The following SCGB2B2 variants were observed in gnomAD, a reference collection of about 807,000 sequenced individuals.
SCGB2B2 encodes the protein secretoglobin-like protein.
SCGB2B2 carries 11 observed loss-of-function variants against 7.6 expected under a neutral mutation model. That is an observed-to-expected ratio of 1.45 (90% CI 0.91 to 2.40). The LOEUF is 2.40. Among genes scored for constraint, SCGB2B2 ranks in the 30% most tolerant of loss-of-function variants. The pLI is 0.00. For missense variants in SCGB2B2, 104 were observed against 115.4 expected, an observed-to-expected ratio of 0.90 and a Z score of 0.45; for synonymous variants, 50 against 48.6, an observed-to-expected ratio of 1.03 and a Z score of -0.12.
At chr19:34,652,421 C>T (rs1208405838) in intron 1 of SCGB2B2, among the ~76,000 whole-genome samples, 1 of 151,184 alleles carries the variant, frequency 6.6e-6, no homozygotes, top group East Asian at 1.9e-4. Flanking sequence ...CCAGAATACA[C>T]AAGAAACTCA....
intron 1 of SCGB2B2, among the ~76,000 whole-genome samples, chr19:34,641,042 TCGGGGTGTGA>T (rs1482789489): frequency 6.0e-5 from 9 of 150,628 alleles, no homozygotes; most frequent in African/African-American, 2.2e-4. Context: ...TTGAATATAT[TCGGGGTGTGA>T]TGGTGAATAC....
intron 1 of SCGB2B2, among the ~76,000 whole-genome samples, chr19:34,651,576 A>T (rs1193652715): frequency 6.6e-6 from 1 of 151,312 alleles, no homozygotes; most frequent in Non-Finnish European, 1.5e-5. Flanking sequence ...TTAACAAAGA[A>T]GGTAGAAGAC....
At chr19:34,675,169 G>GTC (rs1047308276) in intron 1 of SCGB2B2, among the ~76,000 whole-genome samples, 13 of 152,236 alleles carry the variant, frequency 8.5e-5, no homozygotes, top group Non-Finnish European at 7.3e-5. Context: ...AGTGTTGGCA[G>GTC]TAAGAGTTGG....
rs1266834192 is a variant in SCGB2B2 at position 34,592,769 on chromosome 19, C to T, written c.*786G>A. Among the ~76,000 whole-genome samples, 1 of 152,170 alleles carries T rather than the reference C, an allele frequency of 6.6e-6. No homozygotes were observed. The highest frequency in any genetic ancestry group is 1.5e-5 in the Non-Finnish European group (1 of 68,028). ...GTCCCCTGTCATGGTGACATGGCCA[C>T]ACAGACCCATGGCCTCATGCAGATT... On this transcript the variant is annotated 3_prime_UTR_variant, in exon 4 of 4. Coordinates refer to ENST00000601241, the MANE Select transcript of SCGB2B2 (RefSeq NM_001025591.4).
At chr19:34,659,354 T>C (rs2067383887) in intron 1 of SCGB2B2, among the ~76,000 whole-genome samples, 1 of 152,210 alleles carries the variant, frequency 6.6e-6, no homozygotes, top group Non-Finnish European at 1.5e-5. Flanking sequence ...AAATTGTCCC[T>C]GTTTGCAGAT....
intron 1 of SCGB2B2, among the ~76,000 whole-genome samples, chr19:34,607,196 T>A (rs1034253853): frequency 1.3e-5 from 2 of 152,254 alleles, no homozygotes; most frequent in African/African-American, 4.8e-5. Flanking sequence ...TACAGGTTCA[T>A]CCGTATTGTT....
intron 1 of SCGB2B2, among the ~76,000 whole-genome samples, chr19:34,666,902 A>C (rs1600072080): frequency 6.6e-6 from 1 of 151,942 alleles, no homozygotes; most frequent in South Asian, 2.1e-4. Flanking sequence ...CTATGCCCGC[A>C]GCTCGTGACC....
intron 1 of SCGB2B2, among the ~76,000 whole-genome samples, chr19:34,662,658 C>A (rs536986735): frequency 4.6e-5 from 7 of 152,066 alleles, no homozygotes; most frequent in Admixed American, 2.6e-4. Context: ...CACAAATAAC[C>A]AAACAAGGGC....
chr19:34,667,191 ACGGGCAGCTGC>A (rs1568444083), intron 1 of SCGB2B2, among the ~76,000 whole-genome samples: 1 of 152,110 alleles, frequency 6.6e-6, no homozygotes, highest in Non-Finnish European at 1.5e-5. Context: ...GTCCCTGCAG[ACGGGCAGCTGC>A]CCAGGGAAAA....
intron 1 of SCGB2B2, among the ~76,000 whole-genome samples, chr19:34,664,750 C>A (rs777482611): frequency 1.2e-4 from 18 of 152,186 alleles, no homozygotes; most frequent in Admixed American, 2.6e-4. Context: ...GGCCTGCATC[C>A]CTGCTGCCTC....
intron 1 of SCGB2B2, among the ~76,000 whole-genome samples, chr19:34,668,618 T>C (rs1223091637): frequency 6.6e-6 from 1 of 152,208 alleles, no homozygotes; most frequent in Non-Finnish European, 1.5e-5. Context: ...CTGAGTCTGG[T>C]GGGGACTTGG....
chr19:34,647,569 G>A (rs964493588), intron 1 of SCGB2B2, among the ~76,000 whole-genome samples: 3 of 130,496 alleles, frequency 2.3e-5, no homozygotes, highest in Non-Finnish European at 5.4e-5. Context: ...ACGTCTTCTC[G>A]CCTTTGTCCC....
rs1478815760 is a variant in SCGB2B2, at chr19:34,676,490, A to C, written c.-2892T>G. 6.6e-6 allele frequency: 1 copy of C among 152,208 alleles called. No homozygotes were observed. The highest frequency in any genetic ancestry group is 1.5e-5 in the Non-Finnish European group (1 of 68,040). The allele number at this position is 152,208 out of a possible 1,614,324, so 9.4% of individuals were successfully genotyped here. On this transcript the variant is annotated 5_prime_UTR_variant, in exon 1 of 4. Transcript: ENST00000601241. Reference sequence around the variant, plus strand: ...CATGAATAATCCACCCTTGTTTAGCACATCATCAAGCAATAAATACAAGTA... The same window carrying C: ...CATGAATAATCCACCCTTGTTTAGCCCATCATCAAGCAATAAATACAAGTA...
intron 1 of SCGB2B2, among the ~76,000 whole-genome samples, chr19:34,643,657 G>C (rs939268816): frequency 6.6e-6 from 1 of 152,090 alleles, no homozygotes; most frequent in Non-Finnish European, 1.5e-5. Context: ...CACATTCTAT[G>C]CCTGTAACAA....
chr19:34,609,177 T>A (rs1428408388), intron 1 of SCGB2B2, among the ~76,000 whole-genome samples: 1 of 152,080 alleles, frequency 6.6e-6, no homozygotes, highest in Non-Finnish European at 1.5e-5. Flanking sequence ...ATTTGTGTGT[T>A]TTTTCCATGT....
At position 34,593,442 on chromosome 19, in the gene SCGB2B2, G is replaced by C; in HGVS notation, c.*113C>G. 1 of 751,994 alleles carries C rather than the reference G, an allele frequency of 1.3e-6. No homozygotes were observed. Among genetic ancestry groups the C allele is most frequent in the South Asian group, 1.6e-5 (1 of 62,342 alleles). 46.6% of individuals were successfully genotyped at this position (751,994 alleles called of 1,614,324 possible). ...CACACAGATGCCAGAACACAGAACT[G>C]AGCTGCAGGTGTTCATTGGGGTCTC... On this transcript the variant is annotated 3_prime_UTR_variant, in exon 4 of 4. Transcript: ENST00000601241.
intron 1 of SCGB2B2, chr19:34,608,837 T>C (rs950276657): frequency 6.6e-6 from 1 of 151,738 alleles, no homozygotes; most frequent in Non-Finnish European, 1.5e-5. Flanking sequence ...TTTTCTTGGA[T>C]GTATACCCAG....
At chr19:34,675,433 G>A (rs911247927) in intron 1 of SCGB2B2, among the ~76,000 whole-genome samples, 197 bp downstream of exon 1, 2 of 152,296 alleles carry the variant, frequency 1.3e-5, no homozygotes, top group South Asian at 2.1e-4. Flanking sequence ...AAACCAGAGC[G>A]ACTCCATCTT....
chr19:34,601,350 G>A (rs2065618567), intron 1 of SCGB2B2, among the ~76,000 whole-genome samples: 2 of 152,226 alleles, frequency 1.3e-5, no homozygotes, highest in Non-Finnish European at 2.9e-5. Context: ...TGTTCCTAGA[G>A]TGTCTTTGCT....
Sources: allele counts gnomAD v4.1 joint callset (sites outside exome capture counted in the v4.1 genomes callset), GRCh38; gene constraint gnomAD v4.1.1; transcripts MANE v1.5; gene names NCBI Gene and HGNC (gene_info 2026-07-23, HGNC 2026-07-21).